Variants in CFAP61 observed in about 807,000 individuals in gnomAD.
CFAP61 encodes the protein cilia and flagella associated protein 61.
CFAP61 carries 107 observed loss-of-function variants against 135.6 expected under a neutral mutation model. The ratio of observed to expected loss-of-function variants is 0.79; its 90% CI spans 0.67 to 0.93. CFAP61 has a LOEUF of 0.93. Among genes scored for constraint, CFAP61 ranks in the 40% least tolerant of loss-of-function variants. The pLI is 0.00. For synonymous variants in CFAP61, 575 were observed against 578.5 expected (o/e 0.99, Z 0.09); for missense variants, 1,507 against 1,556.2 (o/e 0.97, Z 0.53).
At chr20:20,298,497 A>G in intron 25 of CFAP61, 111 bp downstream of exon 25, 1 of 874,038 alleles carries the variant, frequency 1.1e-6, no homozygotes, top group Non-Finnish European at 1.8e-6. Context: ...AATCCCAGAG[A>G]GAGGCTGTGT....
At chr20:20,201,010 G>T in intron 17 of CFAP61, 1 of 947,872 alleles carries the variant, frequency 1.1e-6, no homozygotes. Context: ...AAATTTATAT[G>T]TGAGTAGAGA....
chr20:20,330,893 G>A (rs566796628), intron 25 of CFAP61, among the ~76,000 whole-genome samples: 24 of 152,346 alleles, frequency 1.6e-4, no homozygotes, highest in Middle Eastern at 3.4e-3. Flanking sequence ...GATCCCAGCA[G>A]TTTTGTTAAC....
intron 17 of CFAP61, among the ~76,000 whole-genome samples, chr20:20,219,672 T>A (rs953095065): frequency 1.3e-5 from 2 of 152,184 alleles, no homozygotes; most frequent in African/African-American, 4.8e-5. Flanking sequence ...CAATATAAAT[T>A]TTTTTCATTT....
intron 13 of CFAP61, among the ~76,000 whole-genome samples, chr20:20,176,718 G>C (rs4473457): frequency 6.6e-6 from 1 of 152,056 alleles, no homozygotes; most frequent in Non-Finnish European, 1.5e-5. Context: ...GGGCCTGTCA[G>C]TGGGGGTCCG....
Position 20,075,507 on chromosome 20 carries a change from T to C in CFAP61, c.458T>C (p.Val153Ala), listed in dbSNP as rs1367049236. Reference protein sequence around the residue: ...YMSLGSTLITVFDQVGNIPCL... With the variant: ...YMSLGSTLITAFDQVGNIPCL... ...GATTTAGGCTCAACTCTCATAACTG[T>C]TTTTGACCAAGTGGGGAACATCCCG... Residue 153 changes from valine to alanine, a missense_variant, in exon 6 of 27, where the codon GTT becomes GCT. Coordinates refer to ENST00000245957, the MANE Select transcript of CFAP61 (RefSeq NM_015585.4). 6.2e-7 allele frequency: 1 copy of C among 1,613,874 alleles called. No individual in the cohort carries two copies. Among genetic ancestry groups the C allele is most frequent in the Admixed American group, 1.7e-5 (1 of 60,002 alleles).
At chr20:20,117,196 T>A (rs7267140) in intron 8 of CFAP61, among the ~76,000 whole-genome samples, 14,936 of 151,984 alleles carry the variant, frequency 0.098, 1,536 homozygotes, top group East Asian at 0.59. Flanking sequence ...AATACAAAAT[T>A]AGCCAGGTAT....
chr20:20,209,917 C>T (rs896082189), intron 17 of CFAP61, among the ~76,000 whole-genome samples: 4 of 152,004 alleles, frequency 2.6e-5, no homozygotes, highest in Admixed American at 2.0e-4. Flanking sequence ...CACCCCTTGT[C>T]CTGGCATCCA....
chr20:20,298,282 G>A lies in CFAP61; in HGVS notation c.3318G>A (p.Glu1106=). 2 of 1,614,036 alleles carry A rather than the reference G, an allele frequency of 1.2e-6. No individual in the cohort carries two copies. Among genetic ancestry groups the A allele is most frequent in the Non-Finnish European group, 1.7e-6 (2 of 1,179,944 alleles). ...MVETITCLSR[E]PFPASNYIRL... Reference sequence around the variant, plus strand: ...AAACCATCACGTGCCTTTCTAGGGAGCCCTTCCCCGCCTCCAACTACATCC... The same window carrying A: ...AAACCATCACGTGCCTTTCTAGGGAACCCTTCCCCGCCTCCAACTACATCC... Residue 1106 remains glutamate, a synonymous_variant, in exon 25 of 27, where the codon GAG becomes GAA. Coordinates refer to ENST00000245957, the MANE Select transcript of CFAP61 (RefSeq NM_015585.4).
intron 8 of CFAP61, among the ~76,000 whole-genome samples, chr20:20,111,696 GA>G (rs2048812430): frequency 6.6e-6 from 1 of 152,124 alleles, no homozygotes; most frequent in South Asian, 2.1e-4. Context: ...CAGGCAGGGA[GA>G]AAAATAAGAT....
chr20:20,315,033 G>A (rs1267372944), intron 25 of CFAP61, among the ~76,000 whole-genome samples: 1 of 122,848 alleles, frequency 8.1e-6, no homozygotes, highest in African/African-American at 3.4e-5. Context: ...ATGATTTATA[G>A]TCCTTTGGGT....
In CFAP61 at chr20:20,298,358, G is replaced by T. The variant is rs770317029; in HGVS notation, c.3394G>T (p.Asp1132Tyr). ...CCTCAACAACCTGTGTGCTCGGTAC[G>T]ATGAAAACCTGATCACAGATCTCTA... ...QLLNNLCARYDENLITDLYSY... is the reference protein window; with the variant it reads ...QLLNNLCARYYENLITDLYSY... Residue 1132 changes from aspartate to tyrosine, a missense_variant, in exon 25 of 27, where the codon GAT (aspartate) becomes TAT (tyrosine). Physicochemically the swap from Asp to Tyr is radical, Grantham distance 160 (BLOSUM62 -3). Transcript: ENST00000245957. 1.2e-6 allele frequency: 2 copies of T among 1,614,130 alleles called. No individual in the cohort carries two copies. Among genetic ancestry groups the T allele is most frequent in the African/African-American group, 2.7e-5 (2 of 75,034 alleles).
chr20:20,253,955 T>G (rs1171968517), intron 20 of CFAP61: 6 of 53,972 alleles, frequency 1.1e-4, no homozygotes, highest in African/African-American at 4.0e-4. Context: ...ATCTCTCTCC[T>G]CCCCTCCCCT....
At chr20:20,204,910 A>G (rs1047845553) in intron 17 of CFAP61, among the ~76,000 whole-genome samples, 3 of 152,190 alleles carry the variant, frequency 2.0e-5, no homozygotes, top group African/African-American at 7.2e-5. Flanking sequence ...TGTTTACACT[A>G]TCTATGAGAA....
intron 22 of CFAP61, among the ~76,000 whole-genome samples, chr20:20,286,590 T>G (rs1236610610): frequency 6.6e-6 from 1 of 152,236 alleles, no homozygotes; most frequent in African/African-American, 2.4e-5. Context: ...AGAACATCAG[T>G]GTGGCCAGCC....
At chr20:20,066,643 CAG>C (rs1398258064) in intron 2 of CFAP61, among the ~76,000 whole-genome samples, 1 of 151,846 alleles carries the variant, frequency 6.6e-6, no homozygotes, top group Non-Finnish European at 1.5e-5. Context: ...CACATGGACA[CAG>C]GGAGGGGAAC....
chr20:20,204,613 T>C (rs1196966904), intron 17 of CFAP61, among the ~76,000 whole-genome samples: 1 of 152,188 alleles, frequency 6.6e-6, no homozygotes. Context: ...CCAGCTTTAT[T>C]GTTTCCCAGC....
At chr20:20,287,942 G>A (rs1445809806) in intron 22 of CFAP61, among the ~76,000 whole-genome samples, 3 of 152,188 alleles carry the variant, frequency 2.0e-5, no homozygotes, top group African/African-American at 7.2e-5. Context: ...AGCATGCAAA[G>A]GGGTTGGTGG....
chr20:20,083,178 A>G (rs1004837776), intron 6 of CFAP61, among the ~76,000 whole-genome samples: 2 of 152,202 alleles, frequency 1.3e-5, no homozygotes, highest in African/African-American at 2.4e-5. Context: ...TGAACAAAAT[A>G]ATGTCTTTTG....
chr20:20,302,526 G>A (rs993004531), intron 25 of CFAP61, among the ~76,000 whole-genome samples: 1 of 152,182 alleles, frequency 6.6e-6, no homozygotes, highest in African/African-American at 2.4e-5. Flanking sequence ...ACTGGGTGTG[G>A]TGGCTCACAC....
Sources: gnomAD v4.1 joint callset for allele counts (sites outside exome capture counted in the v4.1 genomes callset) on GRCh38, gnomAD v4.1.1 for gene constraint, MANE v1.5 for transcripts, NCBI Gene and HGNC (gene_info 2026-07-23, HGNC 2026-07-21) for gene names.